The following RPS6KB2 variants were observed in gnomAD, a reference collection of about 807,000 sequenced individuals.
RPS6KB2 encodes the protein ribosomal protein S6 kinase B2, also known as ribosomal protein S6 kinase beta-2.
RPS6KB2 carries 51 observed loss-of-function variants against 58.2 expected under a neutral mutation model. The ratio of observed to expected loss-of-function variants is 0.88; its 90% CI spans 0.70 to 1.11. RPS6KB2 has a LOEUF of 1.11. RPS6KB2 is among the 50% of genes least tolerant of loss of function. RPS6KB2 has a pLI of 0.00. For missense variants in RPS6KB2, 671 were observed against 655.8 expected (o/e 1.02, Z -0.25); for synonymous variants, 293 against 258.6 (o/e 1.13, Z -1.28).
chr11:67,434,836 A>C (rs1864210026), intron 14 of RPS6KB2, 142 bp downstream of exon 14: 2 of 989,834 alleles, frequency 2.0e-6, no homozygotes, highest in Non-Finnish European at 3.1e-6. Flanking sequence ...CTCAGTTCCT[A>C]CACCCCTTGT....
chr11:67,432,771 C>A lies in RPS6KB2; in HGVS notation c.550C>A (p.His184Asn). The stretch of plus-strand genomic sequence containing the variant: ...GGCTGAGATCACGCTGGCCCTGGGC[C>A]ATCTCCACTCCCAGGGCATCATCTA... Reference protein sequence around the residue: ...YLAEITLALGHLHSQGIIYRD... With the variant: ...YLAEITLALGNLHSQGIIYRD... Residue 184 changes from histidine to asparagine, a missense_variant, in exon 7 of 15, where the codon CAT becomes AAT. Transcript: ENST00000312629. 6.2e-7 allele frequency: 1 copy of A among 1,614,108 alleles called. No homozygotes were observed. Among genetic ancestry groups the A allele is most frequent in the Non-Finnish European group, 8.5e-7 (1 of 1,179,998 alleles).
In RPS6KB2 at chr11:67,434,410, C is replaced by G; in HGVS notation, c.1081C>G (p.Arg361Gly). 1 of 1,613,250 alleles carries G rather than the reference C, an allele frequency of 6.2e-7. No individual in the cohort carries two copies. The highest frequency in any genetic ancestry group is 1.1e-5 in the South Asian group (1 of 91,090). Residue 361 changes from arginine (R) to glycine (G), a missense_variant, in exon 13 of 15, where the codon CGC becomes GGC. Physicochemically the swap from Arg to Gly is moderately radical, Grantham distance 125 (BLOSUM62 -2). Coordinates refer to ENST00000312629, the MANE Select transcript of RPS6KB2 (RefSeq NM_003952.3). ...GGAGGACGTGAGCCAGTTTGATACC[C>G]GCTTCACACGGCAGACGCCGGTGGA... ...SEEDVSQFDT[R>G]FTRQTPVDSP...
At position 67,434,220 on chromosome 11, in the gene RPS6KB2, T is replaced by C. The variant is rs1167215337; in HGVS notation, c.992T>C (p.Met331Thr). The C allele has an allele frequency of 6.2e-7, 1 of 1,613,992 alleles. No individual in the cohort carries two copies. The highest frequency in any genetic ancestry group is 1.7e-5 in the Admixed American group (1 of 60,026). ...DVQRHPFFRHMNWDDLLAWRV... is the reference protein window; with the variant it reads ...DVQRHPFFRHTNWDDLLAWRV... The stretch of plus-strand genomic sequence containing the variant: ...CAGAGACATCCCTTTTTCCGGCACA[T>C]GAATTGGGACGACCTTCTGGCCTGG... Residue 331 changes from methionine to threonine, a missense_variant, in exon 12 of 15, where the codon ATG (methionine) becomes ACG (threonine). Physicochemically the swap from Met to Thr is moderately conservative, Grantham distance 81 (BLOSUM62 -1). Coordinates refer to ENST00000312629, the MANE Select transcript of RPS6KB2 (RefSeq NM_003952.3).
rs777373346 is a variant in RPS6KB2 at position 67,434,655 on chromosome 11, C to T, written c.1229C>T (p.Ser410Leu). Reference protein sequence around the residue: ...EGFSFQPKLRSPRRLNSSPRA... With the variant: ...EGFSFQPKLRLPRRLNSSPRA... ...TTCTCCTTCCAGCCCAAGCTGCGCTCACCCAGGCGCCTCAACAGTAGCCCC... is the reference window on the plus strand; with the variant it reads ...TTCTCCTTCCAGCCCAAGCTGCGCTTACCCAGGCGCCTCAACAGTAGCCCC... The change falls in exon 14 of 15, where the codon TCA becomes TTA. Residue 410 changes from serine to leucine, a missense_variant. By Grantham distance (145) the Ser-to-Leu change is moderately radical (BLOSUM62 -2). Transcript: ENST00000312629. The T allele has an allele frequency of 1.9e-6, 3 of 1,610,456 alleles. No homozygotes were observed. Among genetic ancestry groups the T allele is most frequent in the African/African-American group, 2.7e-5 (2 of 74,902 alleles).
Position 67,431,246 on chromosome 11 carries a change from T to C in RPS6KB2, c.310-122T>C, listed in dbSNP as rs986122668. 4 of 874,260 alleles carry C rather than the reference T, an allele frequency of 4.6e-6. No individual in the cohort carries two copies. In the Admixed American group the frequency reaches 9.4e-5, roughly 21 times the overall value. The allele number at this position is 874,260 out of a possible 1,614,324, so 54.2% of individuals were successfully genotyped here. A position where few individuals can be genotyped will look rare whatever the true frequency, so the allele number is the denominator to read the frequency against. On this transcript the variant is annotated intron_variant, in intron 4 of 14. Transcript: ENST00000312629. ...GGTTTCACCATGTTGGCCAGGCTGG[T>C]CTCAAATTCCTGACCTCAGGTAATC...
Position 67,431,424 on chromosome 11 carries a change from T to G in RPS6KB2, c.366T>G (p.Ile122Met), listed in dbSNP as rs1030108669. Reference protein sequence around the residue: ...DTAHTRAERNILESVKHPFIV... With the variant: ...DTAHTRAERNMLESVKHPFIV... ...CACACACACGGGCTGAGCGGAACAT[T>G]CTAGAGTCAGTGAAGCACCCCTTTA... Residue 122 changes from isoleucine to methionine, a missense_variant, in exon 5 of 15, where the codon ATT becomes ATG. By Grantham distance (10) the Ile-to-Met change is conservative (BLOSUM62 1). Transcript: ENST00000312629. The G allele has an allele frequency of 8.1e-6, 13 of 1,613,922 alleles. No individual in the cohort carries two copies. Among genetic ancestry groups the G allele is most frequent in the Middle Eastern group, 1.6e-4 (1 of 6,084 alleles).
rs754924576 is a variant in RPS6KB2, at chr11:67,428,519, C to G, written c.-27C>G. The G allele has an allele frequency of 1.3e-6, 2 of 1,590,802 alleles. No individual in the cohort carries two copies. The highest frequency in any genetic ancestry group is 1.7e-6 in the Non-Finnish European group (2 of 1,167,730). On this transcript the variant is annotated 5_prime_UTR_variant, in exon 1 of 15. Coordinates refer to ENST00000312629, the MANE Select transcript of RPS6KB2 (RefSeq NM_003952.3). ...AGTCAGTGCGCGGCCAGGTACGGGCCGACGGGCCCGCGGGGCCGGCGCCGC... is the reference window on the plus strand; with the variant it reads ...AGTCAGTGCGCGGCCAGGTACGGGCGGACGGGCCCGCGGGGCCGGCGCCGC...
Position 67,434,580 on chromosome 11 carries a change from A to G in RPS6KB2, c.1156-2A>G, listed in dbSNP as rs980832249. 1.9e-6 allele frequency: 3 copies of G among 1,603,820 alleles called. No homozygotes were observed. The highest frequency in any genetic ancestry group is 1.1e-5 in the South Asian group (1 of 90,312). Reference sequence around the variant, plus strand: ...TCGCATGGCCCTGCCTCCGCCCCCCAGGGCTTCACATACGTGGCGCCGTCT... The same window carrying G: ...TCGCATGGCCCTGCCTCCGCCCCCCGGGGCTTCACATACGTGGCGCCGTCT... On this transcript the variant is annotated splice_acceptor_variant, in intron 13 of 14. Transcript: ENST00000312629. LOFTEE classifies it high-confidence loss of function.
chr11:67,434,690 G>C lies in RPS6KB2; in HGVS notation c.1264G>C (p.Val422Leu), dbSNP rs752270217. The C allele has an allele frequency of 2.5e-6, 4 of 1,601,488 alleles. No homozygotes were observed. The highest frequency in any genetic ancestry group is 1.3e-5 in the African/African-American group (1 of 74,604). ...RRLNSSPRAP[V>L]SPLKFSPFEG... ...CCTCAACAGTAGCCCCCGGGCCCCC[G>C]TCAGGTACTGAGGGACGTGGGGGTG... The change falls in exon 14 of 15, where the codon GTC becomes CTC. Residue 422 changes from valine (V) to leucine (L), a missense_variant. By Grantham distance (32) the Val-to-Leu change is conservative. Coordinates refer to ENST00000312629, the MANE Select transcript of RPS6KB2 (RefSeq NM_003952.3).
At chr11:67,432,199 T>TA in intron 5 of RPS6KB2, 1 of 426,194 alleles carries the variant, frequency 2.3e-6, no homozygotes, top group Non-Finnish European at 4.7e-6. Flanking sequence ...AGCATCCCCT[T>TA]AAAGTCCCAG....
At position 67,431,379 on chromosome 11, in the gene RPS6KB2, G is replaced by A. The variant is rs750354971; in HGVS notation, c.321G>A (p.Val107=). 10 of 1,613,876 alleles carry A rather than the reference G, an allele frequency of 6.2e-6. No homozygotes were observed. The highest frequency in any genetic ancestry group is 1.3e-5 in the African/African-American group (1 of 74,996). Residue 107 remains valine (V), a synonymous_variant, in exon 5 of 15, where the codon GTG becomes GTA. Coordinates refer to ENST00000312629, the MANE Select transcript of RPS6KB2 (RefSeq NM_003952.3). The part of the protein sequence containing the change: ...AMKVLRKAKI[V]RNAKDTAHTR... ...TCCTGTATCTCCAGGCCAAAATTGT[G>A]CGCAATGCCAAGGACACAGCACACA...
rs201348433 is a variant in RPS6KB2 at position 67,432,799 on chromosome 11, G to C, written c.578G>C (p.Arg193Pro). 49 of 1,614,076 alleles carry C rather than the reference G, an allele frequency of 3.0e-5. 1 individual carries two copies. The East Asian group carries it at 9.1e-4, about 30-fold the overall frequency. The change falls in exon 7 of 15, where the codon CGG (arginine) becomes CCG (proline). Residue 193 changes from arginine to proline, a missense_variant. Physicochemically the swap from Arg to Pro is moderately radical, Grantham distance 103. Transcript: ENST00000312629. The stretch of plus-strand genomic sequence containing the variant: ...CTCCACTCCCAGGGCATCATCTACC[G>C]GGACCTCAAGCCCGAGAACATCATG... ...GHLHSQGIIY[R>P]DLKPENIMLS...
At chr11:67,433,503 T>A in intron 10 of RPS6KB2, 56 bp downstream of exon 10, 1 of 1,346,354 alleles carries the variant, frequency 7.4e-7, no homozygotes, top group Non-Finnish European at 1.1e-6. Context: ...CACGTGTTCC[T>A]GAGTCTCTCT....
chr11:67,431,817 T>C, intron 5 of RPS6KB2: 1 of 362,944 alleles, frequency 2.8e-6, no homozygotes, highest in Non-Finnish European at 5.2e-6. Context: ...CCCTGTCTTG[T>C]TCTTCTCTCC....
At position 67,435,123 on chromosome 11, in the gene RPS6KB2, CAG is replaced by C. The variant is rs758910214; in HGVS notation, c.1404_1405del (p.Gly469AspfsTer52). On this transcript the variant is annotated frameshift_variant, in exon 15 of 15. Transcript: ENST00000312629. LOFTEE classifies it high-confidence loss of function. ...GCCCCTCTCCCCATCCGTCCCCCCT[CAG>C]GGACCAAGAAGTCCAAGAGGGGCCG... 4 of 1,603,574 alleles carry C rather than the reference CAG, an allele frequency of 2.5e-6. No individual in the cohort carries two copies. The highest frequency in any genetic ancestry group is 3.4e-6 in the Non-Finnish European group (4 of 1,177,954).
At position 67,431,380 on chromosome 11, in the gene RPS6KB2, C is replaced by T. The variant is rs373631670; in HGVS notation, c.322C>T (p.Arg108Cys). The change falls in exon 5 of 15, where the codon CGC (arginine) becomes TGC (cysteine). Residue 108 changes from arginine to cysteine, a missense_variant. Coordinates refer to ENST00000312629, the MANE Select transcript of RPS6KB2 (RefSeq NM_003952.3). ...MKVLRKAKIVRNAKDTAHTRA... is the reference protein window; with the variant it reads ...MKVLRKAKIVCNAKDTAHTRA... The stretch of plus-strand genomic sequence containing the variant: ...CCTGTATCTCCAGGCCAAAATTGTG[C>T]GCAATGCCAAGGACACAGCACACAC... 172 of 1,613,626 alleles carry T rather than the reference C, an allele frequency of 1.1e-4. 1 individual carries two copies. The highest frequency in any genetic ancestry group is 3.6e-4 in the South Asian group (33 of 91,042).
At chr11:67,429,822 AT>A (rs930594757) in intron 4 of RPS6KB2, 526 of 469,854 alleles carry the variant, frequency 1.1e-3, no homozygotes, top group African/African-American at 3.9e-3. Flanking sequence ...ATTTTATTTT[AT>A]TTTTTTTTAA....
chr11:67,431,029 ATTTT>A (rs60580998), intron 4 of RPS6KB2: 20 of 128,622 alleles, frequency 1.6e-4, no homozygotes, highest in South Asian at 1.3e-3. Context: ...GGTTGCCCCC[ATTTT>A]TTTTTTTTTT....
In RPS6KB2 at chr11:67,435,155, C is replaced by A; in HGVS notation, c.1435C>A (p.Arg479Ser). The stretch of plus-strand genomic sequence containing the variant: ...CAAGAAGTCCAAGAGGGGCCGTGGG[C>A]GTCCAGGGCGCTAGGAAGCCGGGTG... The part of the protein sequence containing the change: ...GTKKSKRGRG[R>S]PGR Residue 479 changes from arginine to serine, a missense_variant, in exon 15 of 15, where the codon CGT becomes AGT. By Grantham distance (110) the Arg-to-Ser change is moderately radical. Coordinates refer to ENST00000312629, the MANE Select transcript of RPS6KB2 (RefSeq NM_003952.3). 6.3e-7 allele frequency: 1 copy of A among 1,582,772 alleles called. No homozygotes were observed. Among genetic ancestry groups the A allele is most frequent in the Non-Finnish European group, 8.6e-7 (1 of 1,169,162 alleles).
Sources: gnomAD v4.1 joint callset for allele counts on GRCh38, gnomAD v4.1.1 for gene constraint, MANE v1.5 for transcripts, NCBI Gene and HGNC (gene_info 2026-07-23, HGNC 2026-07-21) for gene names.